Variants in OCA2 observed in about 807,000 individuals in gnomAD.
The protein encoded by OCA2 is P protein.
A neutral mutation model predicts 100.2 loss-of-function variants in OCA2; 77 were observed. The ratio of observed to expected loss-of-function variants is 0.77; its 90% CI spans 0.64 to 0.93. OCA2 has a LOEUF of 0.93. Ranked by LOEUF, OCA2 falls within the 40% of genes least tolerant of loss-of-function variation. The pLI is 0.00. For missense variants in OCA2, 1,062 were observed against 1,089.1 expected (o/e 0.98, Z 0.35); for synonymous variants, 432 against 439.2 (o/e 0.98, Z 0.21).
intron 14 of OCA2, among the ~76,000 whole-genome samples, chr15:27,982,810 C>A (rs1048029782): frequency 6.6e-6 from 1 of 152,102 alleles, no homozygotes; most frequent in Non-Finnish European, 1.5e-5. Context: ...TCAATTTTCA[C>A]CTTGAAGATA....
At chr15:27,926,772 C>A (rs1333774195) in intron 18 of OCA2, among the ~76,000 whole-genome samples, 2 of 151,976 alleles carry the variant, frequency 1.3e-5, no homozygotes, top group African/African-American at 4.8e-5. Flanking sequence ...ACCACCACAC[C>A]CAGTTAACTT....
intron 14 of OCA2, among the ~76,000 whole-genome samples, chr15:27,968,465 C>T (rs755703352): frequency 3.3e-5 from 5 of 152,152 alleles, no homozygotes; most frequent in Non-Finnish European, 7.3e-5. Context: ...GAGGATCCCA[C>T]GTTGGGAGTT....
At chr15:27,726,436 CTCA>C in the OCA2 span, among the ~76,000 whole-genome samples, 2 of 152,178 alleles carry the variant, frequency 1.3e-5, no homozygotes, top group Non-Finnish European at 2.9e-5. Context: ...AAACAGTCTT[CTCA>C]ATACAAAGAA....
intron 23 of OCA2, among the ~76,000 whole-genome samples, chr15:27,768,661 T>A (rs565159851): frequency 6.6e-6 from 1 of 152,364 alleles, no homozygotes; most frequent in East Asian, 1.9e-4. Context: ...TGGACTCGAA[T>A]AAACTTTATA....
chr15:27,926,342 T>A, intron 18 of OCA2, 88 bp from the exon 19 acceptor site: 1 of 1,421,532 alleles, frequency 7.0e-7, no homozygotes, highest in Non-Finnish European at 9.9e-7. Flanking sequence ...TTTTTCTTTA[T>A]CAAGAATAAT....
rs541384666 is a variant in OCA2, at chr15:27,901,022, T to C, written c.2079+25105A>G. On this transcript the variant is annotated intron_variant, in intron 19 of 23. Transcript: ENST00000354638. Reference sequence around the variant, plus strand: ...AGCCGGGGCTATAGCAGCTCTGTTTTATGGTATTTTGTTGCTTCTCTTCCC... The same window carrying C: ...AGCCGGGGCTATAGCAGCTCTGTTTCATGGTATTTTGTTGCTTCTCTTCCC... Among the ~76,000 whole-genome samples, 10 of 152,342 alleles carry C rather than the reference T, an allele frequency of 6.6e-5. No homozygotes were observed. The South Asian group carries it at 2.1e-3, about 32-fold the overall frequency.
intron 19 of OCA2, among the ~76,000 whole-genome samples, chr15:27,895,303 G>A (rs768868915): frequency 6.6e-6 from 1 of 152,160 alleles, no homozygotes; most frequent in Non-Finnish European, 1.5e-5. Flanking sequence ...CAGCAGAATG[G>A]GGCATTGCTG....
Position 27,851,462 on chromosome 15 carries a change from A to T in OCA2, c.2258T>A (p.Leu753Gln), listed in dbSNP as rs2035751540. 1 of 1,613,482 alleles carries T rather than the reference A, an allele frequency of 6.2e-7. No homozygotes were observed. The highest frequency in any genetic ancestry group is 8.5e-7 in the Non-Finnish European group (1 of 1,179,768). The change falls in exon 22 of 24, where the codon CTG (leucine) becomes CAG (glutamine). Residue 753 changes from leucine to glutamine, a missense_variant. Coordinates refer to ENST00000354638, the MANE Select transcript of OCA2 (RefSeq NM_000275.3). ...PFTATMIPVL[L>Q]NLSHDPEVGL... ...AACCTCAGGGTCGTGGCTCAGGTTCAGGAGCACGGGAATCTGTGGAGGAAG... is the reference window on the plus strand; with the variant it reads ...AACCTCAGGGTCGTGGCTCAGGTTCTGGAGCACGGGAATCTGTGGAGGAAG...
At chr15:28,088,560 G>A (rs942093819) in intron 1 of OCA2, among the ~76,000 whole-genome samples, 3 of 152,122 alleles carry the variant, frequency 2.0e-5, no homozygotes, top group African/African-American at 7.2e-5. Flanking sequence ...CTAAGTGTCG[G>A]CTGGTCTGAG....
chr15:28,001,802 C>T (rs180759346), intron 9 of OCA2, among the ~76,000 whole-genome samples: 115 of 152,272 alleles, frequency 7.6e-4, no homozygotes, highest in East Asian at 3.9e-3. Context: ...TGCACCTCAG[C>T]GATGCCCGGA....
intron 23 of OCA2, among the ~76,000 whole-genome samples, chr15:27,803,964 G>C (rs2033718425): frequency 6.6e-6 from 1 of 152,178 alleles, no homozygotes; most frequent in South Asian, 2.1e-4. Flanking sequence ...TCATTCCACT[G>C]GGTAGAAGCG....
chr15:27,901,170 T>C (rs1451083387), intron 19 of OCA2, among the ~76,000 whole-genome samples: 1 of 152,264 alleles, frequency 6.6e-6, no homozygotes, highest in Non-Finnish European at 1.5e-5. Flanking sequence ...TGTACAGCTC[T>C]TGTTTTGAGG....
intron 18 of OCA2, among the ~76,000 whole-genome samples, chr15:27,949,204 T>C (rs1037154745): frequency 6.6e-6 from 1 of 152,254 alleles, no homozygotes; most frequent in Non-Finnish European, 1.5e-5. Flanking sequence ...GACAGCACCC[T>C]ATGTTATATG....
Position 27,854,270 on chromosome 15 carries a change from T to A in OCA2, c.2245-2795A>T, listed in dbSNP as rs1422326805. Among the ~76,000 whole-genome samples, 5 of 152,236 alleles carry A rather than the reference T, an allele frequency of 3.3e-5. No homozygotes were observed. In the East Asian group the frequency reaches 9.7e-4, roughly 30 times the overall value. ...CTGGGGAGTCCCCATGGGGAGGACATGTGGAGCAGGGTCCGCCCAGCCCCA... is the reference window on the plus strand; with the variant it reads ...CTGGGGAGTCCCCATGGGGAGGACAAGTGGAGCAGGGTCCGCCCAGCCCCA... On this transcript the variant is annotated intron_variant, in intron 21 of 23. Transcript: ENST00000354638.
chr15:27,729,017 A>G, the OCA2 span, among the ~76,000 whole-genome samples: 1 of 152,144 alleles, frequency 6.6e-6, no homozygotes, highest in African/African-American at 2.4e-5. Context: ...GCCAGACTGC[A>G]CTTTCAACGC....
chr15:27,792,014 G>C (rs759167833), intron 23 of OCA2, among the ~76,000 whole-genome samples: 7 of 152,152 alleles, frequency 4.6e-5, no homozygotes, highest in Non-Finnish European at 7.3e-5. Context: ...GCCCAAGACT[G>C]TGTGTCTCCA....
intron 19 of OCA2, among the ~76,000 whole-genome samples, chr15:27,885,623 A>T (rs1430541194): frequency 2.6e-5 from 4 of 152,256 alleles, no homozygotes; most frequent in Admixed American, 6.5e-5. Context: ...ACCTGTGAAA[A>T]TTATGATGAA....
At chr15:27,905,385 GC>G (rs1473252300) in intron 19 of OCA2, among the ~76,000 whole-genome samples, 1 of 152,160 alleles carries the variant, frequency 6.6e-6, no homozygotes, top group Non-Finnish European at 1.5e-5. Context: ...CAAACCCCCA[GC>G]CTGCTCTCTC....
intron 14 of OCA2, among the ~76,000 whole-genome samples, chr15:27,967,980 T>C (rs1199841883): frequency 1.3e-5 from 2 of 152,186 alleles, no homozygotes; most frequent in Non-Finnish European, 2.9e-5. Context: ...GTCAGCAGCG[T>C]CATTGGTTGG....
Sources: gnomAD v4.1 joint callset for allele counts (sites outside exome capture counted in the v4.1 genomes callset) on GRCh38, gnomAD v4.1.1 for gene constraint, MANE v1.5 for transcripts, NCBI Gene and HGNC (gene_info 2026-07-23, HGNC 2026-07-21) for gene names.